The following SASH1 variants were observed in gnomAD, a reference collection of about 807,000 sequenced individuals.
The protein encoded by SASH1 is SAM and SH3 domain-containing protein 1.
Under a neutral mutation model 125.2 loss-of-function variants are expected in SASH1, and 44 were observed. That is an observed-to-expected ratio of 0.35 (90% confidence interval 0.28 to 0.45). The LOEUF (loss-of-function observed/expected upper bound fraction) is 0.45. SASH1 is among the 20% of genes least tolerant of loss of function. SASH1 has a pLI of 1.00. For synonymous variants in SASH1, 639 were observed against 649.1 expected, an observed-to-expected ratio of 0.98 and a Z score of 0.24; for missense variants, 1,426 against 1,614.5, an observed-to-expected ratio of 0.88 and a Z score of 2.00.
intron 2 of SASH1, 77 bp downstream of exon 2, chr6:148,390,339 G>C: frequency 7.0e-7 from 1 of 1,421,002 alleles, no homozygotes. Context: ...CTTTATCCCA[G>C]TGCTAGCTCT....
chr6:148,341,133 A>C (rs1408141045), upstream of SASH1, among the ~76,000 whole-genome samples: 1 of 151,902 alleles, frequency 6.6e-6, no homozygotes, highest in South Asian at 2.1e-4. Context: ...CCTTGTCTCT[A>C]AAAAAATTTT....
chr6:148,417,284 C>T (rs1784860035), intron 2 of SASH1, among the ~76,000 whole-genome samples: 1 of 152,118 alleles, frequency 6.6e-6, no homozygotes, highest in Non-Finnish European at 1.5e-5. Context: ...CTTAGGGTAG[C>T]AGTTAAGAGT....
rs1583317994 is a variant in SASH1 at position 148,534,675 on chromosome 6, G to T, written c.1945-76G>T. The T allele has an allele frequency of 3.6e-6, 5 of 1,389,146 alleles. No homozygotes were observed. The African/African-American group carries it at 5.7e-5, about 16-fold the overall frequency. 86.1% of individuals were successfully genotyped at this position (1,389,146 alleles called of 1,614,324 possible). ...TGACTATGGGAACAGTGTGTGGGTT[G>T]CAGGCTAGTTGTTGGCGGTGTTATC... On this transcript the variant is annotated intron_variant, in intron 15 of 19. Transcript: ENST00000367467.
intron 1 of SASH1, among the ~76,000 whole-genome samples, chr6:148,328,351 C>T (rs999332613): frequency 1.5e-4 from 23 of 152,136 alleles, no homozygotes; most frequent in African/African-American, 5.1e-4. Flanking sequence ...GTAATCCCAG[C>T]ACTTTGGCAG....
intron 1 of SASH1, among the ~76,000 whole-genome samples, chr6:148,303,720 G>A (rs866680151): frequency 1.3e-5 from 2 of 151,586 alleles, no homozygotes; most frequent in South Asian, 2.1e-4. Context: ...GCTAGAACTC[G>A]GGAGGTGGAG....
chr6:148,249,022 A>G, the SASH1 span, among the ~76,000 whole-genome samples: 1 of 152,250 alleles, frequency 6.6e-6, no homozygotes, highest in Non-Finnish European at 1.5e-5. Flanking sequence ...TTAACAGTTT[A>G]CATAGTATAG....
intron 1 of SASH1, among the ~76,000 whole-genome samples, chr6:148,279,459 C>T (rs1562302964): frequency 1.3e-5 from 2 of 152,162 alleles, no homozygotes. Context: ...ATCACTTGGC[C>T]AAGCCAACTC....
chr6:148,433,156 A>G (rs888805234), intron 2 of SASH1, among the ~76,000 whole-genome samples: 2 of 152,210 alleles, frequency 1.3e-5, no homozygotes, highest in Admixed American at 1.3e-4. Context: ...AAATTGTCCA[A>G]TCTGACAATA....
intron 2 of SASH1, among the ~76,000 whole-genome samples, chr6:148,429,360 G>A (rs1472685492): frequency 1.5e-5 from 2 of 132,824 alleles, no homozygotes; most frequent in East Asian, 4.7e-4. Flanking sequence ...CCTAGGCCTG[G>A]GTGACAGAGC....
At chr6:148,366,581 A>G (rs1782467352) in intron 1 of SASH1, among the ~76,000 whole-genome samples, 1 of 152,128 alleles carries the variant, frequency 6.6e-6, no homozygotes, top group Non-Finnish European at 1.5e-5. Flanking sequence ...AAAAGAAAAT[A>G]GGGATTCCAT....
At chr6:148,480,785 A>C (rs1778582701) in intron 7 of SASH1, 1 of 152,742 alleles carries the variant, frequency 6.5e-6, no homozygotes, top group African/African-American at 2.4e-5. Flanking sequence ...AAGAACTAAT[A>C]TGTGAAACAT....
intron 2 of SASH1, among the ~76,000 whole-genome samples, chr6:148,398,595 C>T (rs536871910): frequency 6.6e-6 from 1 of 152,154 alleles, no homozygotes; most frequent in Non-Finnish European, 1.5e-5. Context: ...TTATTCTTAT[C>T]CCCATAGGAT....
At chr6:148,414,610 T>C (rs896095223) in intron 2 of SASH1, among the ~76,000 whole-genome samples, 1 of 152,216 alleles carries the variant, frequency 6.6e-6, no homozygotes, top group Non-Finnish European at 1.5e-5. Flanking sequence ...GTCCTGGAGC[T>C]GCAGCAGTGA....
At chr6:148,331,334 T>G (rs893043126) in intron 1 of SASH1, among the ~76,000 whole-genome samples, 6 of 152,152 alleles carry the variant, frequency 3.9e-5, no homozygotes, top group African/African-American at 1.4e-4. Flanking sequence ...TGTTTTTGTT[T>G]GTTTGTTTGT....
At chr6:148,244,050 C>T in the SASH1 span, among the ~76,000 whole-genome samples, 1 of 152,200 alleles carries the variant, frequency 6.6e-6, no homozygotes, top group Non-Finnish European at 1.5e-5. Flanking sequence ...CCAAAGCACT[C>T]TGAGACTAGG....
chr6:148,516,273 A>G (rs139356410), intron 9 of SASH1, among the ~76,000 whole-genome samples: 1 of 145,346 alleles, frequency 6.9e-6, no homozygotes, highest in Non-Finnish European at 1.5e-5. Flanking sequence ...CCGTTGGCCA[A>G]TCTCACCCAT....
At chr6:148,472,208 C>T (rs972740034) in intron 6 of SASH1, among the ~76,000 whole-genome samples, 2 of 152,192 alleles carry the variant, frequency 1.3e-5, no homozygotes, top group African/African-American at 4.8e-5. Flanking sequence ...TCACCAGTGA[C>T]ACTGCTTGCT....
intron 1 of SASH1, among the ~76,000 whole-genome samples, chr6:148,333,480 T>C (rs567924655): frequency 6.6e-6 from 1 of 152,278 alleles, no homozygotes; most frequent in African/African-American, 2.4e-5. Context: ...AAATTTGCAT[T>C]TGTAACAAAT....
At chr6:148,541,457 A>G (rs1434144288) in intron 17 of SASH1, among the ~76,000 whole-genome samples, 2 of 152,040 alleles carry the variant, frequency 1.3e-5, no homozygotes, top group Non-Finnish European at 1.5e-5. Flanking sequence ...CCTAAGATAA[A>G]GGTTAGTATT....
Sources: gnomAD v4.1 joint callset for allele counts (sites outside exome capture counted in the v4.1 genomes callset) on GRCh38, gnomAD v4.1.1 for gene constraint, MANE v1.5 for transcripts, NCBI Gene and HGNC (gene_info 2026-07-23, HGNC 2026-07-21) for gene names.